Variants in SYT1 observed in about 807,000 individuals in gnomAD.
The protein encoded by SYT1 is synaptotagmin-1.
A neutral mutation model predicts 44.8 loss-of-function variants in SYT1; 8 were observed. The observed-to-expected ratio is 0.18, with a 90% CI of 0.10 to 0.32. The LOEUF is 0.32. Ranked by LOEUF, SYT1 falls within the 10% of genes least tolerant of loss-of-function variation. The pLI is 1.00. For synonymous variants in SYT1, 154 were observed against 188.8 expected, an observed-to-expected ratio of 0.82 and a Z score of 1.51; for missense variants, 286 against 509.3, an observed-to-expected ratio of 0.56 and a Z score of 4.22.
chr12:78,969,732 G>A (rs942335080), intron 1 of SYT1, among the ~76,000 whole-genome samples: 24 of 152,286 alleles, frequency 1.6e-4, no homozygotes, highest in African/African-American at 5.5e-4. Flanking sequence ...CATTATAAAC[G>A]TAAGTTATCA....
intron 1 of SYT1, among the ~76,000 whole-genome samples, chr12:78,976,007 G>A (rs1868805275): frequency 6.6e-6 from 1 of 152,148 alleles, no homozygotes; most frequent in Non-Finnish European, 1.5e-5. Context: ...CACATACACA[G>A]CAAACAAACA....
chr12:78,911,717 TA>T (rs1256325133), intron 1 of SYT1, among the ~76,000 whole-genome samples: 6 of 151,946 alleles, frequency 3.9e-5, no homozygotes, highest in African/African-American at 7.2e-5. Context: ...AGGAGATAAG[TA>T]AAGACAACTC....
intron 6 of SYT1, 112 bp from the exon 7 acceptor site, chr12:79,295,957 A>G: frequency 8.3e-7 from 1 of 1,207,976 alleles, no homozygotes. Context: ...GAGTTTTATT[A>G]AAAATAAATA....
At chr12:79,072,210 T>C (rs548435042) in intron 3 of SYT1, among the ~76,000 whole-genome samples, 1 of 152,002 alleles carries the variant, frequency 6.6e-6, no homozygotes, top group South Asian at 2.1e-4. Context: ...AAAGATGGGG[T>C]AAAAAAGAGC....
intron 3 of SYT1, among the ~76,000 whole-genome samples, chr12:79,081,180 G>A (rs1459980809): frequency 3.3e-5 from 5 of 152,176 alleles, no homozygotes; most frequent in Non-Finnish European, 7.3e-5. Flanking sequence ...GCATATGCAT[G>A]TGTACGTGTG....
chr12:79,263,319 G>A (rs1468735872), intron 4 of SYT1, among the ~76,000 whole-genome samples: 1 of 144,368 alleles, frequency 6.9e-6, no homozygotes, highest in Admixed American at 7.0e-5. Context: ...CTTTCTTTCT[G>A]CCTAATAATA....
At chr12:79,160,925 T>C (rs957062515) in intron 3 of SYT1, among the ~76,000 whole-genome samples, 2 of 152,092 alleles carry the variant, frequency 1.3e-5, no homozygotes. Context: ...GCATTTATGA[T>C]AGTGGTCCAT....
intron 3 of SYT1, among the ~76,000 whole-genome samples, chr12:79,108,666 C>T (rs1878847816): frequency 6.6e-6 from 1 of 152,110 alleles, no homozygotes; most frequent in Non-Finnish European, 1.5e-5. Flanking sequence ...TAATACTACA[C>T]ATTATTTCTA....
intron 9 of SYT1, among the ~76,000 whole-genome samples, chr12:79,357,675 G>C (rs1435678633): frequency 6.6e-6 from 1 of 152,168 alleles, no homozygotes; most frequent in Non-Finnish European, 1.5e-5. Flanking sequence ...TATTTGTATT[G>C]AGATCTTGAA....
intron 2 of SYT1, among the ~76,000 whole-genome samples, chr12:79,016,344 T>A (rs759935882): frequency 2.8e-4 from 43 of 152,188 alleles, no homozygotes; most frequent in Admixed American, 1.0e-3. Context: ...GTGTCTAGTG[T>A]GTTTCCATAA....
intron 9 of SYT1, among the ~76,000 whole-genome samples, chr12:79,391,847 T>G (rs1721767547): frequency 6.6e-6 from 1 of 152,150 alleles, no homozygotes; most frequent in Admixed American, 6.5e-5. Context: ...AACCTGCATA[T>G]GAGGTTTGTA....
intron 1 of SYT1, among the ~76,000 whole-genome samples, chr12:78,868,340 A>G (rs1365861679): frequency 6.6e-6 from 1 of 151,916 alleles, no homozygotes; most frequent in African/African-American, 2.4e-5. Flanking sequence ...TGCGTCTTGC[A>G]TGCATTCTGC....
chr12:79,426,571 G>C (rs35987189), intron 9 of SYT1, among the ~76,000 whole-genome samples: 29,025 of 151,948 alleles, frequency 0.19, 3,236 homozygotes, highest in East Asian at 0.3. Context: ...CAAAGCAAAT[G>C]ATTAACACCC....
intron 9 of SYT1, among the ~76,000 whole-genome samples, chr12:79,380,424 C>G (rs1369268370): frequency 6.6e-6 from 1 of 152,174 alleles, no homozygotes; most frequent in Non-Finnish European, 1.5e-5. Context: ...CAGAACTTTG[C>G]TCTGCCACCC....
intron 8 of SYT1, among the ~76,000 whole-genome samples, chr12:79,306,459 C>T (rs1345326701): frequency 1.3e-5 from 2 of 152,100 alleles, no homozygotes; most frequent in African/African-American, 4.8e-5. Context: ...AGTTGATGAT[C>T]GAATTGGGTA....
intron 1 of SYT1, among the ~76,000 whole-genome samples, chr12:78,947,679 G>A (rs1420006639): frequency 6.6e-6 from 1 of 151,962 alleles, no homozygotes; most frequent in Admixed American, 6.6e-5. Context: ...GAGGATAACA[G>A]AAATTTTGTT....
chr12:78,960,617 A>G (rs1341572920), intron 1 of SYT1: 1 of 152,168 alleles, frequency 6.6e-6, no homozygotes, highest in East Asian at 1.9e-4. Context: ...CGGCACCATC[A>G]GTGTCATGTT....
chr12:79,137,397 G>A (rs1341326521), intron 3 of SYT1, among the ~76,000 whole-genome samples: 4 of 152,022 alleles, frequency 2.6e-5, no homozygotes, highest in Non-Finnish European at 1.5e-5. Context: ...CACCCGGCCA[G>A]AACTTTTTTA....
intron 3 of SYT1, among the ~76,000 whole-genome samples, chr12:79,053,607 AATT>A (rs1170434191): frequency 3.4e-5 from 5 of 149,240 alleles, no homozygotes; most frequent in Non-Finnish European, 1.5e-5. Flanking sequence ...TAATATTGAC[AATT>A]ATTTAAAATA....
Sources: gnomAD v4.1 joint callset for allele counts (sites outside exome capture counted in the v4.1 genomes callset) on GRCh38, gnomAD v4.1.1 for gene constraint, MANE v1.5 for transcripts, NCBI Gene and HGNC (gene_info 2026-07-23, HGNC 2026-07-21) for gene names.